The following DZANK1 variants were observed in gnomAD, a reference collection of about 807,000 sequenced individuals.
DZANK1 encodes the protein double zinc ribbon and ankyrin repeat domains 1.
In DZANK1, 91 loss-of-function variants were observed where a neutral mutation model predicts 94.5. The observed-to-expected ratio is 0.96, with a 90% CI of 0.81 to 1.15. DZANK1 has a LOEUF of 1.15. Among genes scored for constraint, DZANK1 ranks in the 50% most tolerant of loss-of-function variants. DZANK1 has a pLI of 0.00. For synonymous variants in DZANK1, 312 were observed against 325.3 expected (o/e 0.96, Z 0.44); for missense variants, 903 against 916.4 (o/e 0.99, Z 0.19).
At chr20:18,459,124 G>T (rs2059388675) in intron 3 of DZANK1, among the ~76,000 whole-genome samples, 1 of 152,116 alleles carries the variant, frequency 6.6e-6, no homozygotes, top group African/African-American at 2.4e-5. Flanking sequence ...TTCTAAGGAG[G>T]CCTGCTTTAC....
intron 10 of DZANK1, among the ~76,000 whole-genome samples, chr20:18,426,232 G>A (rs1011218850): frequency 2.0e-5 from 3 of 152,104 alleles, no homozygotes; most frequent in African/African-American, 7.2e-5. Context: ...TAGGTTGCGC[G>A]TTCCTTATAA....
chr20:18,465,632 G>T (rs1167719992), intron 1 of DZANK1, among the ~76,000 whole-genome samples: 1 of 152,118 alleles, frequency 6.6e-6, no homozygotes, highest in African/African-American at 2.4e-5. Flanking sequence ...AAAGAAAGAA[G>T]TTACTTTAAA....
At chr20:18,385,803 T>C (rs2048451812) in intron 19 of DZANK1, among the ~76,000 whole-genome samples, 1 of 152,096 alleles carries the variant, frequency 6.6e-6, no homozygotes. Context: ...TGGGCTTACA[T>C]GATATGAAAA....
At chr20:18,397,020 T>A (rs1432762501) in intron 14 of DZANK1, among the ~76,000 whole-genome samples, 1 of 152,218 alleles carries the variant, frequency 6.6e-6, no homozygotes, top group Non-Finnish European at 1.5e-5. Context: ...AATGTTTTCA[T>A]GAAGGGTCAG....
chr20:18,402,546 C>T (rs2056741959), intron 13 of DZANK1, among the ~76,000 whole-genome samples: 2 of 152,104 alleles, frequency 1.3e-5, no homozygotes, highest in African/African-American at 4.8e-5. Flanking sequence ...GACAGCCCAC[C>T]AAGAGGAATC....
chr20:18,425,278 C>T (rs1362192847), intron 10 of DZANK1, among the ~76,000 whole-genome samples: 2 of 152,174 alleles, frequency 1.3e-5, no homozygotes, highest in African/African-American at 4.8e-5. Flanking sequence ...TGTCAGAGGG[C>T]GCAGTGGCTC....
chr20:18,399,742 C>T lies in DZANK1; in HGVS notation c.1433-1116G>A, dbSNP rs7508959. Reference sequence around the variant, plus strand: ...CGGTTTCTCATATGCAGGCGGAAGACGCAGGGGCACTGGGCTCACCTTCCC... The same window carrying T: ...CGGTTTCTCATATGCAGGCGGAAGATGCAGGGGCACTGGGCTCACCTTCCC... On this transcript the variant is annotated intron_variant, in intron 13 of 20. Coordinates refer to ENST00000262547, the Ensembl canonical transcript of DZANK1. Among the ~76,000 whole-genome samples the T allele has an allele frequency of 2.5e-3, 375 of 152,300 alleles. 5 individuals carry two copies. Among genetic ancestry groups the T allele is most frequent in the Admixed American group, 0.02 (311 of 15,304 alleles).
intron 14 of DZANK1, among the ~76,000 whole-genome samples, chr20:18,398,119 G>T (rs530530527): frequency 6.6e-6 from 1 of 152,314 alleles, no homozygotes; most frequent in East Asian, 1.9e-4. Context: ...AGGCAAGAAT[G>T]ATGAATACAA....
At chr20:18,393,727 T>C (rs2056153846) in exon 17 of DZANK1, 3 of 1,609,194 alleles carry the variant, frequency 1.9e-6, no homozygotes, top group African/African-American at 2.7e-5. Context: ...CTGCTCCTTC[T>C]TTTCTTGAAA....
At chr20:18,393,688 A>G (rs763510463) in intron 17 of DZANK1, 23 bp downstream of exon 17, 4 of 1,497,740 alleles carry the variant, frequency 2.7e-6, no homozygotes, top group Admixed American at 3.6e-5. Context: ...CAACATCCAC[A>G]AGGACCAAAA....
At chr20:18,428,624 A>G (rs1004810268) in intron 9 of DZANK1, 3 of 152,206 alleles carry the variant, frequency 2.0e-5, no homozygotes, top group Non-Finnish European at 4.4e-5. Context: ...ACTGACCACT[A>G]TTCTCTCAGG....
intron 5 of DZANK1, 144 bp from the exon 6 acceptor site, chr20:18,452,883 T>A: frequency 1.2e-6 from 1 of 809,726 alleles, no homozygotes. Context: ...TATAAAGAGC[T>A]CCCGCCACAC....
chr20:18,443,688 A>AT, intron 7 of DZANK1, among the ~76,000 whole-genome samples: 1 of 152,304 alleles, frequency 6.6e-6, no homozygotes, highest in African/African-American at 2.4e-5. Flanking sequence ...CTTTCTGCGT[A>AT]GGCCAAGTCC....
At chr20:18,384,965 G>A (rs1172268991) in intron 20 of DZANK1, 51 bp downstream of exon 20, 2 of 1,509,468 alleles carry the variant, frequency 1.3e-6, no homozygotes, top group African/African-American at 1.4e-5. Flanking sequence ...CAGGCCATTA[G>A]GGAGATCCCT....
chr20:18,427,170 A>G lies in DZANK1; in HGVS notation c.862-11T>C. 1 of 1,605,788 alleles carries G rather than the reference A, an allele frequency of 6.2e-7. No individual in the cohort carries two copies. Among genetic ancestry groups the G allele is most frequent in the Non-Finnish European group, 8.5e-7 (1 of 1,173,420 alleles). On this transcript the variant is annotated splice_polypyrimidine_tract_variant and intron_variant, in intron 9 of 20. Coordinates refer to ENST00000262547, the Ensembl canonical transcript of DZANK1. ...GCAAATTACCTTCTCCTTAACAACAAAAAATAAGACATACATGTTCCTCTG... is the reference window on the plus strand; with the variant it reads ...GCAAATTACCTTCTCCTTAACAACAGAAAATAAGACATACATGTTCCTCTG...
At chr20:18,422,913 G>A (rs553552699) in intron 10 of DZANK1, among the ~76,000 whole-genome samples, 1 of 150,150 alleles carries the variant, frequency 6.7e-6, no homozygotes, top group African/African-American at 2.4e-5. Context: ...ATTTTGATAG[G>A]GATTGCATTC....
At chr20:18,448,055 C>T (rs1270949887) in intron 7 of DZANK1, among the ~76,000 whole-genome samples, 1 of 152,122 alleles carries the variant, frequency 6.6e-6, no homozygotes, top group Non-Finnish European at 1.5e-5. Flanking sequence ...GAGACTGGAT[C>T]ACTTTTGTAT....
At chr20:18,385,163 C>A in intron 19 of DZANK1, 73 bp from the exon 20 acceptor site, 2 of 1,462,518 alleles carry the variant, frequency 1.4e-6, no homozygotes, top group Non-Finnish European at 1.9e-6. Flanking sequence ...ATGCATGTGA[C>A]CCAAGGTCCT....
intron 2 of DZANK1, among the ~76,000 whole-genome samples, chr20:18,460,586 G>A (rs7345400): frequency 0.35 from 52,968 of 151,946 alleles, 9,408 homozygotes; most frequent in East Asian, 0.42. Context: ...AAAATTAGCC[G>A]GGCGTGGTGG....
Sources: allele counts gnomAD v4.1 joint callset (sites outside exome capture counted in the v4.1 genomes callset), GRCh38; gene constraint gnomAD v4.1.1; transcripts MANE v1.5; gene names NCBI Gene and HGNC (gene_info 2026-07-23, HGNC 2026-07-21).